Variants in ASH1L observed in about 807,000 individuals in gnomAD.
The protein encoded by ASH1L is ASH1 like histone lysine methyltransferase.
Under a neutral mutation model 269.0 loss-of-function variants are expected in ASH1L, and 23 were observed. The ratio of observed to expected loss-of-function variants is 0.09; its 90% CI spans 0.06 to 0.12. The LOEUF (loss-of-function observed/expected upper bound fraction) is 0.12. Ranked by LOEUF, ASH1L falls within the 10% of genes least tolerant of loss-of-function variation. The probability of loss-of-function intolerance (pLI) is 1.00; values close to 1 mark genes in which losing one functional copy is unlikely to be tolerated. For missense variants in ASH1L, 2,912 were observed against 3,567.8 expected, an observed-to-expected ratio of 0.82 and a Z score of 4.68; for synonymous variants, 1,187 against 1,253.5, an observed-to-expected ratio of 0.95 and a Z score of 1.12.
rs887892480 is a variant in ASH1L at position 155,390,738 on chromosome 1, C to T, written c.6103+4721G>A. ...TCGGCTCACTGCAAGCTCCACCTCC[C>T]GGGTTCACACCATTCTCCTGCCTCA... On this transcript the variant is annotated intron_variant, in intron 7 of 27. Coordinates refer to ENST00000392403, the MANE Select transcript of ASH1L (RefSeq NM_018489.3). Among the ~76,000 whole-genome samples, 9 of 151,114 alleles carry T rather than the reference C, an allele frequency of 6.0e-5. No homozygotes were observed. The East Asian group carries it at 7.8e-4, about 13-fold the overall frequency.
intron 2 of ASH1L, among the ~76,000 whole-genome samples, chr1:155,496,962 A>G (rs985754592): frequency 6.6e-6 from 1 of 152,106 alleles, no homozygotes; most frequent in African/African-American, 2.4e-5. Flanking sequence ...TAGATTTTCT[A>G]TTCGGCGTCA....
At chr1:155,460,923 T>G (rs926241727) in intron 3 of ASH1L, among the ~76,000 whole-genome samples, 1 of 152,212 alleles carries the variant, frequency 6.6e-6, no homozygotes, top group Non-Finnish European at 1.5e-5. Context: ...TAAGATTATT[T>G]TCCTGAATAA....
chr1:155,396,718 C>T (rs1308702006), intron 6 of ASH1L, among the ~76,000 whole-genome samples: 3 of 151,656 alleles, frequency 2.0e-5, no homozygotes, highest in Non-Finnish European at 1.5e-5. Flanking sequence ...AATCCCAGCA[C>T]TTTGGAAGGC....
chr1:155,457,630 T>C lies in ASH1L; in HGVS notation c.5086+2167A>G, dbSNP rs1571262703. ...TCATAGCATTTTGTACACTGCTCTG[T>C]TACAGAATTTAATACATTGCTTTTC... is the stretch of plus-strand genomic sequence containing the variant. On this transcript the variant is annotated intron_variant, in intron 4 of 27. Transcript: ENST00000392403. 3.3e-5 allele frequency among the ~76,000 whole-genome samples: 5 copies of C among 152,340 alleles called. 1 individual carries two copies. Among genetic ancestry groups the C allele is most frequent in the Admixed American group, 6.5e-5 (1 of 15,302 alleles).
intron 7 of ASH1L, among the ~76,000 whole-genome samples, chr1:155,390,938 C>G (rs188711980): frequency 2.0e-5 from 3 of 151,330 alleles, no homozygotes; most frequent in Non-Finnish European, 4.4e-5. Flanking sequence ...CGTGAGCCAC[C>G]ACACCTGCCT....
chr1:155,485,035 G>T (rs923370099), intron 2 of ASH1L, among the ~76,000 whole-genome samples: 6 of 151,406 alleles, frequency 4.0e-5, no homozygotes, highest in African/African-American at 1.5e-4. Flanking sequence ...AAGACGGGTG[G>T]ATCACCTGAG....
chr1:155,368,298 A>G lies in ASH1L; in HGVS notation c.6686+2206T>C, dbSNP rs1451466080. On this transcript the variant is annotated intron_variant, in intron 12 of 27. Transcript: ENST00000392403. ...AGGTGTGAGCCACTGCACCCAGCCT[A>G]TTTGTTCTTTAAGTATGTGGAAGAA... is the stretch of plus-strand genomic sequence containing the variant. Among the ~76,000 whole-genome samples the G allele has an allele frequency of 4.0e-5, 6 of 151,628 alleles. No individual in the cohort carries two copies. The East Asian group carries it at 1.2e-3, about 30-fold the overall frequency.
chr1:155,402,961 T>C (rs906643487), intron 6 of ASH1L, among the ~76,000 whole-genome samples: 1 of 148,706 alleles, frequency 6.7e-6, no homozygotes, highest in Non-Finnish European at 1.5e-5. Context: ...GTGGATCACC[T>C]AAGGTCAGGA....
At position 155,343,888 on chromosome 1, in the gene ASH1L, G is replaced by T; in HGVS notation, c.7982-146C>A. On this transcript the variant is annotated intron_variant, in intron 22 of 27. Coordinates refer to ENST00000392403, the MANE Select transcript of ASH1L (RefSeq NM_018489.3). The surrounding 1 kb of genome is among the most constrained non-coding windows in gnomAD (Gnocchi z 6.1). ...AGAGCTAAAAGCAGCAGTGTTAAGT[G>T]ATGATAATCAATTCTAGACTATGAC... 2.1e-6 allele frequency: 2 copies of T among 952,764 alleles called. No individual in the cohort carries two copies. The highest frequency in any genetic ancestry group is 3.1e-6 in the Non-Finnish European group (2 of 652,208). 59.0% of individuals were successfully genotyped at this position (952,764 alleles called of 1,614,324 possible).
At chr1:155,512,155 AG>A (rs1668202094) in intron 2 of ASH1L, among the ~76,000 whole-genome samples, 1 of 152,108 alleles carries the variant, frequency 6.6e-6, no homozygotes, top group African/African-American at 2.4e-5. Flanking sequence ...TCAGTAAAGG[AG>A]AAAATACTAT....
In ASH1L at chr1:155,339,431, G is replaced by A. The variant is rs981622189; in HGVS notation, c.8461-63C>T. 4 of 1,517,390 alleles carry A rather than the reference G, an allele frequency of 2.6e-6. No individual in the cohort carries two copies. In the African/African-American group the frequency reaches 4.1e-5, roughly 16 times the overall value. 94.0% of individuals were successfully genotyped at this position (1,517,390 alleles called of 1,614,324 possible). A position where few individuals can be genotyped will look rare whatever the true frequency, so the allele number is the denominator to read the frequency against. On this transcript the variant is annotated intron_variant, in intron 25 of 27. Transcript: ENST00000392403. ...AAGCTGGGAGAGCTAGCTCTTCTCT[G>A]GGGCCAGTCAGGATAAGGAACACAG... is the stretch of plus-strand genomic sequence containing the variant.
At chr1:155,499,770 G>T (rs1667390275) in intron 2 of ASH1L, among the ~76,000 whole-genome samples, 1 of 152,102 alleles carries the variant, frequency 6.6e-6, no homozygotes, top group Admixed American at 6.6e-5. Context: ...ATTAGTGAGT[G>T]AAAGTAATGA....
At chr1:155,462,292 C>T (rs1268204630) in intron 3 of ASH1L, among the ~76,000 whole-genome samples, 1 of 152,164 alleles carries the variant, frequency 6.6e-6, no homozygotes. Context: ...TTTTAGGTGG[C>T]ACTTGTGCCA....
chr1:155,354,530 C>T lies in ASH1L; in HGVS notation c.7156G>A (p.Ala2386Thr). ...CCATTCCAACGGGTATATAATGATG[C>T]TGAGTGAATATTATCACTGGTGTGC... The part of the protein sequence containing the change: ...VKHTSDNIHS[A>T]SLYTRWNGIC... The change falls in exon 16 of 28, where the codon GCA (alanine) becomes ACA (threonine). Residue 2386 changes from alanine to threonine, a missense_variant. By Grantham distance (58) the Ala-to-Thr change is moderately conservative. Coordinates refer to ENST00000392403, the MANE Select transcript of ASH1L (RefSeq NM_018489.3). 1 of 1,613,942 alleles carries T rather than the reference C, an allele frequency of 6.2e-7. No individual in the cohort carries two copies. Among genetic ancestry groups the T allele is most frequent in the Non-Finnish European group, 8.5e-7 (1 of 1,179,880 alleles).
At chr1:155,374,059 T>G (rs1218263575) in intron 10 of ASH1L, among the ~76,000 whole-genome samples, 1 of 152,214 alleles carries the variant, frequency 6.6e-6, no homozygotes, top group Non-Finnish European at 1.5e-5. Context: ...CCGGGCACGG[T>G]GGCTCATGCC....
At chr1:155,554,295 G>A (rs1364133971) in intron 1 of ASH1L, among the ~76,000 whole-genome samples, 1 of 151,478 alleles carries the variant, frequency 6.6e-6, no homozygotes, top group Non-Finnish European at 1.5e-5. Context: ...TTTTGGAGAC[G>A]GAGTTTCACT....
At chr1:155,504,087 C>T (rs1048682432) in intron 2 of ASH1L, among the ~76,000 whole-genome samples, 1 of 152,096 alleles carries the variant, frequency 6.6e-6, no homozygotes, top group Admixed American at 6.6e-5. Context: ...AAAAGGTAAA[C>T]GTTATTAAGT....
intron 15 of ASH1L, among the ~76,000 whole-genome samples, chr1:155,355,846 G>A (rs1654331086): frequency 6.6e-6 from 1 of 150,592 alleles, no homozygotes; most frequent in African/African-American, 2.4e-5. Flanking sequence ...TGAATACAGG[G>A]AACAGCAGAA....
intron 1 of ASH1L, among the ~76,000 whole-genome samples, chr1:155,541,538 G>T (rs1330856681): frequency 6.6e-6 from 1 of 151,966 alleles, no homozygotes; most frequent in Non-Finnish European, 1.5e-5. Flanking sequence ...AACAAAATTG[G>T]AAGCAATTTC....
Sources: gnomAD v4.1 joint callset for allele counts (sites outside exome capture counted in the v4.1 genomes callset) on GRCh38, gnomAD v4.1.1 for gene constraint, Gnocchi (gnomAD v3.1) non-coding constraint, MANE v1.5 for transcripts, NCBI Gene and HGNC (gene_info 2026-07-23, HGNC 2026-07-21) for gene names.